Variants in EPB41L5 observed in about 807,000 individuals in gnomAD.
The protein encoded by EPB41L5 is band 4.1-like protein 5.
Under a neutral mutation model 106.6 loss-of-function variants are expected in EPB41L5, and 55 were observed. The ratio of observed to expected loss-of-function variants is 0.52; its 90% CI spans 0.42 to 0.65. The LOEUF is 0.65. EPB41L5 is among the 30% of genes least tolerant of loss of function. EPB41L5 has a pLI of 0.00. For synonymous variants in EPB41L5, 297 were observed against 306.7 expected, an observed-to-expected ratio of 0.97 and a Z score of 0.33; for missense variants, 871 against 882.1, an observed-to-expected ratio of 0.99 and a Z score of 0.16.
rs777494048 is a variant in EPB41L5 at position 120,161,392 on chromosome 2, AT to A, written c.1887+419del. On this transcript the variant is annotated intron_variant, in intron 21 of 24. Transcript: ENST00000263713. Reference sequence around the variant, plus strand: ...GACTGTCTCAAAAAAAAAAAAAAAAATGTGATAAAAGCATTGAGCCACAGTT... The same window carrying A: ...GACTGTCTCAAAAAAAAAAAAAAAAAGTGATAAAAGCATTGAGCCACAGTT... 5.4e-3 allele frequency among the ~76,000 whole-genome samples: 770 copies of A among 143,610 alleles called. 2 individuals carry two copies. Among genetic ancestry groups the A allele is most frequent in the Non-Finnish European group, 7.0e-3 (455 of 65,276 alleles). The allele number at this position is 143,610 out of a possible 152,430, so 94.2% of individuals were successfully genotyped here. A position where few individuals can be genotyped will look rare whatever the true frequency, so the allele number is the denominator to read the frequency against.
chr2:120,166,249 G>C (rs1224850799), intron 22 of EPB41L5, among the ~76,000 whole-genome samples: 1 of 152,154 alleles, frequency 6.6e-6, no homozygotes, highest in Non-Finnish European at 1.5e-5. Flanking sequence ...ATGTTCCCAG[G>C]TGGTGCAGAT....
At chr2:120,125,779 T>G (rs1685434824) in intron 16 of EPB41L5, among the ~76,000 whole-genome samples, 1 of 152,046 alleles carries the variant, frequency 6.6e-6, no homozygotes, top group Non-Finnish European at 1.5e-5. Context: ...CTTTAGAATA[T>G]GAGATGTATT....
In EPB41L5 at chr2:120,157,210, G is replaced by A. The variant is rs193098866; in HGVS notation, c.1794-3671G>A. Reference sequence around the variant, plus strand: ...GCTTTTGGGTATATAATAAAAATAAGGCAGAAGTCAAGAAGTTACTTGTAG... The same window carrying A: ...GCTTTTGGGTATATAATAAAAATAAAGCAGAAGTCAAGAAGTTACTTGTAG... On this transcript the variant is annotated intron_variant, in intron 20 of 24. Transcript: ENST00000263713. Among the ~76,000 whole-genome samples, 447 of 152,128 alleles carry A rather than the reference G, an allele frequency of 2.9e-3. 2 individuals are homozygous for A. The highest frequency in any genetic ancestry group is 0.01 in the African/African-American group (434 of 41,488).
chr2:120,027,074 T>C (rs1364925556), intron 2 of EPB41L5, among the ~76,000 whole-genome samples: 3 of 152,178 alleles, frequency 2.0e-5, no homozygotes, highest in Non-Finnish European at 4.4e-5. Context: ...GGTAAGGATA[T>C]GGACAAATCA....
At chr2:120,079,213 A>G (rs1165375522) in intron 10 of EPB41L5, among the ~76,000 whole-genome samples, 1 of 152,156 alleles carries the variant, frequency 6.6e-6, no homozygotes, top group Non-Finnish European at 1.5e-5. Flanking sequence ...TGTTAGCGCA[A>G]AGACCTCTGG....
intron 20 of EPB41L5, among the ~76,000 whole-genome samples, chr2:120,153,975 A>G (rs1686789841): frequency 2.6e-5 from 4 of 152,262 alleles, no homozygotes; most frequent in Admixed American, 2.0e-4. Flanking sequence ...TTTTACTTTA[A>G]TCCACTTACA....
chr2:120,151,440 T>C (rs557299347), intron 20 of EPB41L5, among the ~76,000 whole-genome samples: 34 of 152,136 alleles, frequency 2.2e-4, no homozygotes, highest in African/African-American at 7.9e-4. Flanking sequence ...AAAACAAAAT[T>C]AACAACTATG....
chr2:120,106,264 A>G, intron 16 of EPB41L5: 1 of 985,388 alleles, frequency 1.0e-6, no homozygotes. Flanking sequence ...GGGTGAGGAA[A>G]GTAAAGGGCT....
chr2:120,153,635 A>C (rs1465744892), intron 20 of EPB41L5, among the ~76,000 whole-genome samples: 1 of 152,120 alleles, frequency 6.6e-6, no homozygotes, highest in Non-Finnish European at 1.5e-5. Context: ...TTCCCCCCTC[A>C]GTTCTTTACA....
intron 2 of EPB41L5, among the ~76,000 whole-genome samples, chr2:120,037,406 C>G (rs889545465): frequency 6.6e-6 from 1 of 152,026 alleles, no homozygotes; most frequent in Non-Finnish European, 1.5e-5. Context: ...ATAGAAAAAC[C>G]CATTCTAAAA....
intron 20 of EPB41L5, among the ~76,000 whole-genome samples, chr2:120,160,324 A>G (rs1209990931): frequency 6.6e-6 from 1 of 152,146 alleles, no homozygotes; most frequent in African/African-American, 2.4e-5. Context: ...TTCTTTGTCC[A>G]CAGCTTCCTT....
chr2:120,047,727 C>T (rs1174687669), intron 3 of EPB41L5, among the ~76,000 whole-genome samples: 7 of 152,168 alleles, frequency 4.6e-5, no homozygotes, highest in African/African-American at 7.2e-5. Context: ...AGAGGGCATC[C>T]CTGTCTTGTG....
At chr2:120,054,320 A>G (rs1057423347) in intron 3 of EPB41L5, among the ~76,000 whole-genome samples, 2 of 152,160 alleles carry the variant, frequency 1.3e-5, no homozygotes, top group South Asian at 2.1e-4. Flanking sequence ...CCCTAGTCAG[A>G]TACATCTGCA....
Position 120,036,220 on chromosome 2 carries a change from T to TAGAG in EPB41L5, c.181-5783_181-5780dup, listed in dbSNP as rs145955908. 1.0e-3 allele frequency among the ~76,000 whole-genome samples: 153 copies of TAGAG among 152,322 alleles called. 1 individual carries two copies. The highest frequency in any genetic ancestry group is 3.5e-3 in the African/African-American group (147 of 41,584). ...TCCTACCCTTCCTCCACCAAACTCT[T>TAGAG]AGAGAGCAGTGAATTATTATTATAG... On this transcript the variant is annotated intron_variant, in intron 2 of 24. Transcript: ENST00000263713.
chr2:120,146,071 A>C (rs1387112865), intron 19 of EPB41L5, among the ~76,000 whole-genome samples, 154 bp from the exon 20 acceptor site: 12 of 152,230 alleles, frequency 7.9e-5, no homozygotes, highest in African/African-American at 2.9e-4. Flanking sequence ...TGTACTAGGT[A>C]CACTGCTGGT....
intron 3 of EPB41L5, among the ~76,000 whole-genome samples, chr2:120,068,565 C>T (rs1350668525): frequency 2.0e-5 from 3 of 152,184 alleles, no homozygotes; most frequent in African/African-American, 7.2e-5. Flanking sequence ...GCGGTTTTCC[C>T]CTCACAGTAT....
chr2:120,041,700 T>A (rs1466777608), intron 2 of EPB41L5, among the ~76,000 whole-genome samples: 1 of 152,208 alleles, frequency 6.6e-6, no homozygotes, highest in African/African-American at 2.4e-5. Flanking sequence ...CTCTAAAAAT[T>A]GATTACAACA....
At chr2:120,042,669 T>C (rs1460615756) in intron 3 of EPB41L5, among the ~76,000 whole-genome samples, 2 of 152,162 alleles carry the variant, frequency 1.3e-5, no homozygotes, top group Non-Finnish European at 2.9e-5. Context: ...GGAGGATGTT[T>C]GAAAGAAAGT....
chr2:120,021,206 G>A (rs1252739781), intron 2 of EPB41L5, among the ~76,000 whole-genome samples: 7 of 152,132 alleles, frequency 4.6e-5, no homozygotes. Context: ...CGGGCGTGGT[G>A]GCATGCGCCT....
Sources: allele counts gnomAD v4.1 joint callset (sites outside exome capture counted in the v4.1 genomes callset), GRCh38; gene constraint gnomAD v4.1.1; transcripts MANE v1.5; gene names NCBI Gene and HGNC (gene_info 2026-07-23, HGNC 2026-07-21).